The following SH3RF1 variants were observed in gnomAD, a reference collection of about 807,000 sequenced individuals.
SH3RF1 encodes E3 ubiquitin-protein ligase SH3RF1.
Under a neutral mutation model 74.0 loss-of-function variants are expected in SH3RF1, and 32 were observed. That is an observed-to-expected ratio of 0.43 (90% confidence interval 0.33 to 0.58). The LOEUF is 0.58. Among genes scored for constraint, SH3RF1 ranks in the 20% least tolerant of loss-of-function variants. The probability of loss-of-function intolerance (pLI) is 0.05; values close to 1 mark genes in which losing one functional copy is unlikely to be tolerated. For synonymous variants in SH3RF1, 396 were observed against 439.6 expected (o/e 0.90, Z 1.24); for missense variants, 954 against 1,130.9 (o/e 0.84, Z 2.24).
intron 4 of SH3RF1, among the ~76,000 whole-genome samples, chr4:169,151,368 G>A (rs975140170): frequency 1.3e-5 from 2 of 152,136 alleles, no homozygotes; most frequent in Non-Finnish European, 2.9e-5. Flanking sequence ...GCTCTTGCTG[G>A]TACCAGGCAC....
At chr4:169,154,252 GA>G (rs1242028621) in intron 4 of SH3RF1, among the ~76,000 whole-genome samples, 1 of 152,150 alleles carries the variant, frequency 6.6e-6, no homozygotes, top group Non-Finnish European at 1.5e-5. Context: ...AGGAACATCT[GA>G]AGAGTATGGA....
At chr4:169,130,815 T>C (rs1416059732) in intron 5 of SH3RF1, among the ~76,000 whole-genome samples, 1 of 152,228 alleles carries the variant, frequency 6.6e-6, no homozygotes, top group Non-Finnish European at 1.5e-5. Flanking sequence ...TTCAGGTCAT[T>C]TCATTGCCTG....
At chr4:169,137,437 T>C (rs6816645) in intron 4 of SH3RF1, among the ~76,000 whole-genome samples, 145,222 of 152,224 alleles carry the variant, frequency 0.95, 69,653 homozygotes, top group East Asian at 1. Context: ...AAAACATTTC[T>C]GGAAAGCTTC....
At chr4:169,165,941 A>C (rs1734234982) in intron 2 of SH3RF1, among the ~76,000 whole-genome samples, 1 of 152,182 alleles carries the variant, frequency 6.6e-6, no homozygotes, top group Admixed American at 6.5e-5. Context: ...CCCCTACCTC[A>C]CACTATACAC....
At chr4:169,184,201 A>G (rs2126980805) in intron 2 of SH3RF1, among the ~76,000 whole-genome samples, 1 of 152,366 alleles carries the variant, frequency 6.6e-6, no homozygotes, top group South Asian at 2.1e-4. Context: ...TTGGTACGGC[A>G]GGAGATCTCT....
In SH3RF1 at chr4:169,096,649, G is replaced by A; in HGVS notation, c.2537C>T (p.Ala846Val). The change falls in exon 12 of 12, where the codon GCA (alanine) becomes GTA (valine). Residue 846 changes from alanine (A) to valine (V), a missense_variant. Physicochemically the swap from Ala to Val is moderately conservative, Grantham distance 64. Transcript: ENST00000284637. ...VVVSYPPQSE[A>V]ELELKEGDIV... ...ATCTCCTTCTTTAAGTTCAAGTTCT[G>A]CCTCACTCTGAGGAGGATAGGAAAC... The A allele has an allele frequency of 6.2e-7, 1 of 1,614,066 alleles. No individual in the cohort carries two copies. Among genetic ancestry groups the A allele is most frequent in the Non-Finnish European group, 8.5e-7 (1 of 1,179,998 alleles).
At position 169,258,936 on chromosome 4, in the gene SH3RF1, C is replaced by T. The variant is rs191928966; in HGVS notation, c.393+9884G>A. 8.9e-4 allele frequency among the ~76,000 whole-genome samples: 135 copies of T among 152,212 alleles called. 1 individual carries two copies. The highest frequency in any genetic ancestry group is 9.1e-4 in the Non-Finnish European group (62 of 68,012). On this transcript the variant is annotated intron_variant, in intron 2 of 11. Transcript: ENST00000284637. The stretch of plus-strand genomic sequence containing the variant: ...ACATTACTGCTCACATTTCCAGGAA[C>T]TTTATACAAATGCTAGGGATATTTG...
At chr4:169,108,910 T>C (rs116005626) in intron 10 of SH3RF1, among the ~76,000 whole-genome samples, 1 of 152,112 alleles carries the variant, frequency 6.6e-6, no homozygotes, top group African/African-American at 2.4e-5. Context: ...GAAGGAAAAA[T>C]ATAGCTAGTG....
chr4:169,144,500 C>T (rs1733839803), intron 4 of SH3RF1, among the ~76,000 whole-genome samples: 1 of 152,164 alleles, frequency 6.6e-6, no homozygotes, highest in African/African-American at 2.4e-5. Context: ...AAAAGCCAGG[C>T]ACAGTACTAA....
At chr4:169,213,995 G>T (rs894184442) in intron 2 of SH3RF1, among the ~76,000 whole-genome samples, 2 of 152,028 alleles carry the variant, frequency 1.3e-5, no homozygotes, top group Admixed American at 1.3e-4. Context: ...GGCTATTATG[G>T]GGCTTTTGCC....
chr4:169,202,024 G>A (rs1480797962), intron 2 of SH3RF1, among the ~76,000 whole-genome samples: 1 of 151,834 alleles, frequency 6.6e-6, no homozygotes, highest in African/African-American at 2.4e-5. Flanking sequence ...TTACCCATCT[G>A]CAAAATGAAA....
chr4:169,263,304 T>A (rs938030525), intron 2 of SH3RF1, among the ~76,000 whole-genome samples: 3 of 152,214 alleles, frequency 2.0e-5, no homozygotes. Context: ...ATTCTATATC[T>A]TATCCCACCC....
At chr4:169,168,983 A>T (rs1429869276) in intron 2 of SH3RF1, among the ~76,000 whole-genome samples, 1 of 152,188 alleles carries the variant, frequency 6.6e-6, no homozygotes, top group East Asian at 1.9e-4. Flanking sequence ...CAATACTCCA[A>T]AGTCTGTCAT....
intron 5 of SH3RF1, among the ~76,000 whole-genome samples, chr4:169,133,020 C>T (rs1028684518): frequency 6.6e-6 from 1 of 152,116 alleles, no homozygotes; most frequent in Non-Finnish European, 1.5e-5. Flanking sequence ...AGCAAGCAAG[C>T]CCTTTGGCTT....
intron 2 of SH3RF1, among the ~76,000 whole-genome samples, chr4:169,225,706 G>A (rs764099420): frequency 2.0e-5 from 3 of 152,172 alleles, no homozygotes; most frequent in Non-Finnish European, 4.4e-5. Context: ...GGTTATAAAA[G>A]GAAAGTGATA....
intron 2 of SH3RF1, among the ~76,000 whole-genome samples, chr4:169,209,718 A>C (rs1013369972): frequency 6.6e-6 from 1 of 152,224 alleles, no homozygotes; most frequent in African/African-American, 2.4e-5. Context: ...AAGATAGATA[A>C]CACTGTAATG....
intron 6 of SH3RF1, among the ~76,000 whole-genome samples, chr4:169,125,007 C>A (rs1369460815): frequency 6.6e-6 from 1 of 152,118 alleles, no homozygotes; most frequent in African/African-American, 2.4e-5. Flanking sequence ...CAAAAAACAG[C>A]TATGGACCTT....
intron 2 of SH3RF1, among the ~76,000 whole-genome samples, chr4:169,169,700 T>A (rs1339290786): frequency 6.6e-6 from 1 of 152,136 alleles, no homozygotes; most frequent in South Asian, 2.1e-4. Flanking sequence ...CACTTAAAAA[T>A]TTTTTATTTA....
chr4:169,259,178 T>A lies in SH3RF1; in HGVS notation c.393+9642A>T, dbSNP rs968432309. On this transcript the variant is annotated intron_variant, in intron 2 of 11. Coordinates refer to ENST00000284637, the MANE Select transcript of SH3RF1 (RefSeq NM_020870.4). Reference sequence around the variant, plus strand: ...ATAAGCAGTTTTTTCTGGCAAAAAATAATAATAATAATAATTTCCTTAATC... The same window carrying A: ...ATAAGCAGTTTTTTCTGGCAAAAAAAAATAATAATAATAATTTCCTTAATC... Among the ~76,000 whole-genome samples, 8 of 151,978 alleles carry A rather than the reference T, an allele frequency of 5.3e-5. No homozygotes were observed. In the East Asian group the frequency reaches 5.8e-4, roughly 11 times the overall value.
Sources: allele counts gnomAD v4.1 joint callset (sites outside exome capture counted in the v4.1 genomes callset), GRCh38; gene constraint gnomAD v4.1.1; transcripts MANE v1.5; gene names NCBI Gene and HGNC (gene_info 2026-07-23, HGNC 2026-07-21).